Variants in P2RX5 observed in about 807,000 individuals in gnomAD.
P2RX5 encodes P2X purinoceptor 5.
Under a neutral mutation model 54.1 loss-of-function variants are expected in P2RX5, and 46 were observed. That is an observed-to-expected ratio of 0.85 (90% CI 0.67 to 1.09). The LOEUF (loss-of-function observed/expected upper bound fraction) is 1.09, where lower values mean the gene tolerates loss of function less well. Among genes scored for constraint, P2RX5 ranks in the 50% least tolerant of loss-of-function variants. The probability of loss-of-function intolerance (pLI) is 0.00; values close to 1 mark genes in which losing one functional copy is unlikely to be tolerated. For synonymous variants in P2RX5, 226 were observed against 226.4 expected, an observed-to-expected ratio of 1.00 and a Z score of 0.02; for missense variants, 566 against 549.8, an observed-to-expected ratio of 1.03 and a Z score of -0.29.
intron 11 of P2RX5, chr17:3,676,426 G>T: frequency 7.2e-6 from 7 of 978,160 alleles, no homozygotes; most frequent in Non-Finnish European, 8.5e-6. Context: ...GAGGACGGAG[G>T]TTGCTTTTCA....
At chr17:3,703,880 C>T in the P2RX5 span, among the ~76,000 whole-genome samples, 1 of 152,154 alleles carries the variant, frequency 6.6e-6, no homozygotes, top group Non-Finnish European at 1.5e-5. Flanking sequence ...GTGGGTGGAT[C>T]ACCTGAGGTC....
chr17:3,688,165 C>CCACATCAGTGCTGCCTAAAG, intron 8 of P2RX5, 60 bp from the exon 9 acceptor site: 1 of 900,602 alleles, frequency 1.1e-6, no homozygotes, highest in Non-Finnish European at 1.8e-6. Flanking sequence ...CTTTAGGCAG[C>CCACATCAGTGCTGCCTAAAG]ACTGATGTGG....
At position 3,677,666 on chromosome 17, in the gene P2RX5, C is replaced by T. The variant is rs563160878; in HGVS notation, c.1259+1924G>A. On this transcript the variant is annotated intron_variant, in intron 11 of 11. Coordinates refer to ENST00000225328, the MANE Select transcript of P2RX5 (RefSeq NM_002561.4). ...CTCTGTTGGCTTTGGAGGAATTACACGCGGGCCCCTCTCCCTGAGGTTAGG... is the reference window on the plus strand; with the variant it reads ...CTCTGTTGGCTTTGGAGGAATTACATGCGGGCCCCTCTCCCTGAGGTTAGG... 4,638 of 985,298 alleles carry T rather than the reference C, an allele frequency of 4.7e-3. 15 individuals are homozygous for T. The highest frequency in any genetic ancestry group is 5.3e-3 in the Non-Finnish European group (4,389 of 829,906). The allele number at this position is 985,298 out of a possible 1,614,324, so 61.0% of individuals were successfully genotyped here.
At chr17:3,713,611 G>A in the P2RX5 span, among the ~76,000 whole-genome samples, 890 of 151,816 alleles carry the variant, frequency 5.9e-3, 4 homozygotes, top group Middle Eastern at 0.02. Flanking sequence ...TTAGCTGGGC[G>A]TGGTGGCGCA....
At chr17:3,684,038 C>T (rs1281114959) in intron 9 of P2RX5, among the ~76,000 whole-genome samples, 1 of 152,248 alleles carries the variant, frequency 6.6e-6, no homozygotes, top group East Asian at 1.9e-4. Flanking sequence ...GGGCACTGAC[C>T]ACTCCCATGG....
At chr17:3,708,007 G>C in the P2RX5 span, among the ~76,000 whole-genome samples, 1 of 141,986 alleles carries the variant, frequency 7.0e-6, no homozygotes. Flanking sequence ...GCAGTGAGCC[G>C]AGATCATGCC....
chr17:3,684,633 TATAG>T (rs2050382038), intron 9 of P2RX5, among the ~76,000 whole-genome samples: 1 of 151,856 alleles, frequency 6.6e-6, no homozygotes, highest in Non-Finnish European at 1.5e-5. Flanking sequence ...TCTGGGAAAA[TATAG>T]TATCGACCAG....
At chr17:3,714,256 TCTCA>T in the P2RX5 span, among the ~76,000 whole-genome samples, 1 of 137,936 alleles carries the variant, frequency 7.2e-6, no homozygotes, top group Non-Finnish European at 1.6e-5. Context: ...TGAGATGGAG[TCTCA>T]CTCTGTTGCT....
chr17:3,688,853 G>GAGGT, intron 7 of P2RX5, 94 bp from the exon 8 acceptor site: 2 of 1,419,458 alleles, frequency 1.4e-6, no homozygotes, highest in Non-Finnish European at 2.0e-6. Flanking sequence ...ACAATAGGAG[G>GAGGT]AGGTGCTCAG....
chr17:3,689,508 T>G lies in P2RX5; in HGVS notation c.737A>C (p.Gln246Pro). ...SVIRWAGSDF[Q>P]DIALEGGVIG... is the part of the protein sequence containing the mutation. ...CCCACCCACCTCCAGGGCTATATCC[T>G]GGAAGTCGCTCCCGGCCCAGCGGAT... Residue 246 changes from glutamine to proline, a missense_variant, in exon 7 of 12, where the codon CAG becomes CCG. Gln to Pro is a moderately conservative substitution (Grantham distance 76, BLOSUM62 -1). Coordinates refer to ENST00000225328, the MANE Select transcript of P2RX5 (RefSeq NM_002561.4). The G allele has an allele frequency of 1.9e-6, 3 of 1,614,090 alleles. No homozygotes were observed. Among genetic ancestry groups the G allele is most frequent in the Non-Finnish European group, 2.5e-6 (3 of 1,180,008 alleles).
Position 3,676,977 on chromosome 17 carries a change from G to A in P2RX5, c.1259+2613C>T, listed in dbSNP as rs770406132. 2.1e-5 allele frequency: 11 copies of A among 517,308 alleles called. 1 individual carries two copies. Among genetic ancestry groups the A allele is most frequent in the Admixed American group, 1.9e-4 (3 of 15,680 alleles). The allele number at this position is 517,308 out of a possible 1,614,324, so 32.0% of individuals were successfully genotyped here. ...CTTAGGAGGCTGAGACAGGAGAATC[G>A]ATTGAACCTGGGAGGCGGAGGTTCC... On this transcript the variant is annotated intron_variant, in intron 11 of 11. Coordinates refer to ENST00000225328, the MANE Select transcript of P2RX5 (RefSeq NM_002561.4).
intron 10 of P2RX5, 46 bp from the exon 11 acceptor site, chr17:3,679,830 C>T: frequency 1.3e-6 from 2 of 1,546,826 alleles, no homozygotes. Context: ...CTGCAGGGTG[C>T]CTCCCCTCCT....
At chr17:3,720,875 G>A in the P2RX5 span, among the ~76,000 whole-genome samples, 18 of 150,490 alleles carry the variant, frequency 1.2e-4, no homozygotes, top group African/African-American at 4.4e-4. Flanking sequence ...GAGCTGCCGC[G>A]CCTGGCCTTT....
In P2RX5 at chr17:3,688,075, C is replaced by G. The variant is rs1388487166; in HGVS notation, c.918G>C (p.Gly306=). 6.2e-7 allele frequency: 1 copy of G among 1,606,654 alleles called. No homozygotes were observed. Among genetic ancestry groups the G allele is most frequent in the African/African-American group, 1.3e-5 (1 of 74,414 alleles). Residue 306 remains glycine (G), a synonymous_variant, in exon 9 of 12, where the codon GGG becomes GGC. Transcript: ENST00000225328. ...RFARYYRDAA[G]VEFRTLMKAY... is the part of the protein sequence containing the mutation. ...CTTTCATCAGGGTGCGGAACTCCAC[C>G]CCGGCTGCGTCTCGGTAATATCTGG...
the P2RX5 span, among the ~76,000 whole-genome samples, chr17:3,708,140 C>T: frequency 1.3e-5 from 2 of 151,454 alleles, no homozygotes; most frequent in Admixed American, 6.6e-5. Flanking sequence ...CTCCCAGAAG[C>T]GGAAGGGCAC....
upstream of P2RX5, among the ~76,000 whole-genome samples, chr17:3,697,505 C>G (rs899099625): frequency 5.3e-5 from 8 of 152,204 alleles, no homozygotes; most frequent in South Asian, 1.0e-3. Context: ...CACAAAGAGG[C>G]TCCCTTCCCT....
upstream of P2RX5, chr17:3,696,374 CTGT>C: frequency 5.9e-6 from 1 of 169,136 alleles, no homozygotes; most frequent in Non-Finnish European, 1.3e-5. Flanking sequence ...CCGCCCTGTG[CTGT>C]TGCCCAGCTG....
At chr17:3,699,880 AGG>A (rs879377759), upstream of P2RX5, among the ~76,000 whole-genome samples, 17,535 of 52,020 alleles carry the variant, frequency 0.34, 2,790 homozygotes, top group South Asian at 0.56. Flanking sequence ...AAAGAAAGGA[AGG>A]AAGGAAGGAA....
intron 11 of P2RX5, chr17:3,676,347 C>G: frequency 1.0e-6 from 1 of 985,414 alleles, no homozygotes; most frequent in African/African-American, 1.7e-5. Context: ...GTGTAAGAAA[C>G]CACACGAGTT....
Sources: gnomAD v4.1 joint callset for allele counts (sites outside exome capture counted in the v4.1 genomes callset) on GRCh38, gnomAD v4.1.1 for gene constraint, MANE v1.5 for transcripts, NCBI Gene and HGNC (gene_info 2026-07-23, HGNC 2026-07-21) for gene names.